SNTB1: variants seen among roughly 807,000 people sequenced by gnomAD.
The protein encoded by SNTB1 is syntrophin beta 1, also known as beta-1-syntrophin.
SNTB1 carries 36 observed loss-of-function variants against 48.9 expected under a neutral mutation model. That is an observed-to-expected ratio of 0.74 (90% CI 0.56 to 0.97). SNTB1 has a LOEUF of 0.97. Ranked by LOEUF, SNTB1 falls within the 50% of genes least tolerant of loss-of-function variation. The probability of loss-of-function intolerance (pLI) is 0.00; values close to 1 mark genes in which losing one functional copy is unlikely to be tolerated. For missense variants in SNTB1, 786 were observed against 703.4 expected (o/e 1.12, Z -1.33); for synonymous variants, 299 against 294.6 (o/e 1.01, Z -0.15).
intron 3 of SNTB1, among the ~76,000 whole-genome samples, chr8:120,616,089 T>C (rs1268098186): frequency 6.6e-6 from 1 of 152,130 alleles, no homozygotes; most frequent in Admixed American, 6.5e-5. Flanking sequence ...CAAACTCTTG[T>C]AGGAGTGAAA....
intron 4 of SNTB1, among the ~76,000 whole-genome samples, chr8:120,569,163 T>C (rs1435946405): frequency 6.6e-6 from 1 of 152,126 alleles, no homozygotes; most frequent in Non-Finnish European, 1.5e-5. Flanking sequence ...GTATTTTTAG[T>C]AGAGACGGGG....
intron 1 of SNTB1, among the ~76,000 whole-genome samples, chr8:120,790,492 A>T (rs1453430182): frequency 6.6e-6 from 1 of 151,634 alleles, no homozygotes; most frequent in Non-Finnish European, 1.5e-5. Context: ...ATCCCTAAAA[A>T]CTCTTCCGAG....
chr8:120,640,883 G>A (rs1024681555), intron 2 of SNTB1, among the ~76,000 whole-genome samples: 3 of 152,100 alleles, frequency 2.0e-5, no homozygotes, highest in Non-Finnish European at 2.9e-5. Flanking sequence ...GATGATGCTA[G>A]CCTCATAAAA....
chr8:120,616,809 G>C (rs1475422490), intron 3 of SNTB1, among the ~76,000 whole-genome samples: 1 of 152,188 alleles, frequency 6.6e-6, no homozygotes, highest in African/African-American at 2.4e-5. Context: ...TATTCTCAAT[G>C]ATCACATCTT....
At chr8:120,753,024 G>C (rs1388508409) in intron 1 of SNTB1, among the ~76,000 whole-genome samples, 1 of 150,888 alleles carries the variant, frequency 6.6e-6, no homozygotes, top group African/African-American at 2.4e-5. Flanking sequence ...GTTTTTACTG[G>C]AAAAGAAGCA....
In SNTB1 at chr8:120,619,933, A is replaced by G. The variant is rs117187021; in HGVS notation, c.996+12511T>C. On this transcript the variant is annotated intron_variant, in intron 3 of 6. Transcript: ENST00000517992. ...TGGTGTTGATGGAAGTTCTGTGAAG[A>G]TGATAGTTCTTTGCCAGAAAATAGA... Among the ~76,000 whole-genome samples, 133 of 152,350 alleles carry G rather than the reference A, an allele frequency of 8.7e-4. 3 individuals are homozygous for G. In the East Asian group the frequency reaches 0.021, roughly 24 times the overall value.
intron 2 of SNTB1, among the ~76,000 whole-genome samples, chr8:120,641,939 C>T (rs1817203025): frequency 6.6e-6 from 1 of 151,712 alleles, no homozygotes; most frequent in Non-Finnish European, 1.5e-5. Context: ...ATTTCTGAGG[C>T]AAAGTTGAAA....
intron 1 of SNTB1, among the ~76,000 whole-genome samples, chr8:120,756,533 A>G (rs1819320724): frequency 6.6e-6 from 1 of 152,158 alleles, no homozygotes; most frequent in East Asian, 1.9e-4. Context: ...GAGTAAGGAA[A>G]AGTAGACTAC....
chr8:120,774,811 G>A (rs1432738154), intron 1 of SNTB1, among the ~76,000 whole-genome samples: 6 of 151,956 alleles, frequency 3.9e-5, no homozygotes, highest in African/African-American at 1.5e-4. Context: ...CCACCACCAC[G>A]CCCTGCTAAT....
chr8:120,760,297 C>CAAAAAAA (rs77673399), intron 1 of SNTB1, among the ~76,000 whole-genome samples: 1 of 69,226 alleles, frequency 1.4e-5, no homozygotes, highest in Non-Finnish European at 3.4e-5. Context: ...AGAAACAAGC[C>CAAAAAAA]AAAAAAAAAA....
chr8:120,717,297 G>T (rs1270115619), intron 1 of SNTB1, among the ~76,000 whole-genome samples: 1 of 152,162 alleles, frequency 6.6e-6, no homozygotes, highest in African/African-American at 2.4e-5. Context: ...AGAGTCTGTG[G>T]TGCAGCCCAT....
At chr8:120,792,233 A>G (rs924803834) in intron 1 of SNTB1, among the ~76,000 whole-genome samples, 4 of 151,928 alleles carry the variant, frequency 2.6e-5, no homozygotes, top group Middle Eastern at 3.4e-3. Flanking sequence ...CATTATTCTA[A>G]GTGAAGTAAC....
chr8:120,754,614 A>T (rs34195100), intron 1 of SNTB1, among the ~76,000 whole-genome samples: 10,160 of 152,218 alleles, frequency 0.067, 498 homozygotes, highest in East Asian at 0.17. Flanking sequence ...CTGAAGATTA[A>T]ATGACATCAT....
At chr8:120,552,761 G>C (rs1815503176) in intron 4 of SNTB1, among the ~76,000 whole-genome samples, 1 of 152,142 alleles carries the variant, frequency 6.6e-6, no homozygotes, top group African/African-American at 2.4e-5. Flanking sequence ...GATGATTCAA[G>C]CGCATTACAT....
At chr8:120,628,043 C>T (rs1255045496) in intron 3 of SNTB1, among the ~76,000 whole-genome samples, 2 of 152,176 alleles carry the variant, frequency 1.3e-5, no homozygotes, top group African/African-American at 2.4e-5. Context: ...CATAAACGTT[C>T]CCATTTGAAA....
At chr8:120,643,329 A>G (rs2129679997) in intron 2 of SNTB1, among the ~76,000 whole-genome samples, 1 of 152,288 alleles carries the variant, frequency 6.6e-6, no homozygotes, top group East Asian at 1.9e-4. Context: ...TACATGGATA[A>G]GTTCTTTAGT....
chr8:120,717,794 C>A lies in SNTB1; in HGVS notation c.572-23886G>T, dbSNP rs868356952. 2.6e-5 allele frequency among the ~76,000 whole-genome samples: 4 copies of A among 152,224 alleles called. No homozygotes were observed. In the Middle Eastern group the frequency reaches 0.01, roughly 388 times the overall value. ...CAGGGTCAGAAGCTGTTTGTTCAGTCCCCACACTGTTAAAGGAAGGATCTG... is the reference window on the plus strand; with the variant it reads ...CAGGGTCAGAAGCTGTTTGTTCAGTACCCACACTGTTAAAGGAAGGATCTG... On this transcript the variant is annotated intron_variant, in intron 1 of 6. Coordinates refer to ENST00000517992, the MANE Select transcript of SNTB1 (RefSeq NM_021021.4).
rs115226785 is a variant in SNTB1 at position 120,695,774 on chromosome 8, G to A, written c.572-1866C>T. ...ATAGCCATATTAATACAAGACAGAG[G>A]AGCAGTCATTTAACACCAACACATA... On this transcript the variant is annotated intron_variant, in intron 1 of 6. Coordinates refer to ENST00000517992, the MANE Select transcript of SNTB1 (RefSeq NM_021021.4). Among the ~76,000 whole-genome samples the A allele has an allele frequency of 4.2e-3, 638 of 152,176 alleles. 4 individuals are homozygous for A. Among genetic ancestry groups the A allele is most frequent in the African/African-American group, 0.015 (617 of 41,522 alleles).
intron 4 of SNTB1, among the ~76,000 whole-genome samples, chr8:120,553,989 C>T (rs145519944): frequency 6.6e-6 from 1 of 152,242 alleles, no homozygotes; most frequent in East Asian, 1.9e-4. Context: ...CAGAGCGAGA[C>T]TCCGTCTCAA....
Sources: allele counts gnomAD v4.1 joint callset (sites outside exome capture counted in the v4.1 genomes callset), GRCh38; gene constraint gnomAD v4.1.1; transcripts MANE v1.5; gene names NCBI Gene and HGNC (gene_info 2026-07-23, HGNC 2026-07-21).